LRP1B: variants seen among roughly 807,000 people sequenced by gnomAD.
LRP1B encodes low-density lipoprotein receptor-related protein 1B.
Under a neutral mutation model 556.6 loss-of-function variants are expected in LRP1B, and 217 were observed. That is an observed-to-expected ratio of 0.39 (90% CI 0.35 to 0.44). The LOEUF (loss-of-function observed/expected upper bound fraction) is 0.44. Ranked by LOEUF, LRP1B falls within the 20% of genes least tolerant of loss-of-function variation. LRP1B has a pLI of 1.00. For missense variants in LRP1B, 5,053 were observed against 5,620.8 expected, an observed-to-expected ratio of 0.90 and a Z score of 3.23; for synonymous variants, 2,047 against 1,865.8, an observed-to-expected ratio of 1.10 and a Z score of -2.50.
At chr2:141,011,078 AG>A (rs1697734887) in intron 14 of LRP1B, among the ~76,000 whole-genome samples, 2 of 149,658 alleles carry the variant, frequency 1.3e-5, no homozygotes, top group African/African-American at 2.4e-5. Context: ...TCTCAGAGAG[AG>A]AGAGAGAGAG....
intron 1 of LRP1B, among the ~76,000 whole-genome samples, chr2:142,060,698 T>A (rs1476114693): frequency 6.6e-6 from 1 of 152,028 alleles, no homozygotes; most frequent in African/African-American, 2.4e-5. Flanking sequence ...AGTCTCTATG[T>A]TTTAAGAGAA....
chr2:141,176,624 T>C (rs1335560476), intron 7 of LRP1B, among the ~76,000 whole-genome samples: 2 of 152,072 alleles, frequency 1.3e-5, no homozygotes, highest in African/African-American at 2.4e-5. Context: ...TAGTTCTTTA[T>C]AGTAGTGTGA....
chr2:141,220,654 C>A (rs1043411483), intron 6 of LRP1B, among the ~76,000 whole-genome samples: 1 of 147,868 alleles, frequency 6.8e-6, no homozygotes, highest in African/African-American at 2.5e-5. Flanking sequence ...ATGTTAACGA[C>A]AGACAGAGAG....
chr2:140,475,808 GTTTAAA>G (rs1038111430), intron 59 of LRP1B, among the ~76,000 whole-genome samples: 5 of 151,600 alleles, frequency 3.3e-5, no homozygotes, highest in African/African-American at 1.2e-4. Context: ...AATTATAACT[GTTTAAA>G]TTTAAACTAA....
intron 2 of LRP1B, among the ~76,000 whole-genome samples, chr2:141,738,998 A>G: frequency 6.6e-6 from 1 of 152,148 alleles, no homozygotes; most frequent in African/African-American, 2.4e-5. Flanking sequence ...TTTATTCAAC[A>G]CTAACGTATG....
intron 9 of LRP1B, 147 bp from the exon 10 acceptor site, chr2:141,055,406 T>A (rs928939566): frequency 4.4e-6 from 3 of 677,526 alleles, no homozygotes; most frequent in Non-Finnish European, 7.1e-6. Flanking sequence ...CATAATCGAA[T>A]GCAAAAGAGT....
chr2:141,314,901 T>TAC (rs2105457384), intron 3 of LRP1B, among the ~76,000 whole-genome samples: 1 of 146,122 alleles, frequency 6.8e-6, no homozygotes, highest in African/African-American at 2.5e-5. Context: ...TATACATATA[T>TAC]ATATATATAC....
At chr2:141,100,567 T>C (rs1361142979) in intron 7 of LRP1B, among the ~76,000 whole-genome samples, 1 of 152,188 alleles carries the variant, frequency 6.6e-6, no homozygotes, top group Non-Finnish European at 1.5e-5. Context: ...AGTATGTCCC[T>C]TTCCTTTTAA....
chr2:140,309,501 T>TCACTAACTGTGACTCATGAAGC (rs1684204804), intron 83 of LRP1B, among the ~76,000 whole-genome samples: 3 of 151,748 alleles, frequency 2.0e-5, no homozygotes, highest in Non-Finnish European at 4.4e-5. Context: ...TCCAATCGAA[T>TCACTAACTGTGACTCATGAAGC]CACTAACTGT....
intron 18 of LRP1B, among the ~76,000 whole-genome samples, chr2:140,972,266 A>G (rs1696447574): frequency 6.6e-6 from 1 of 152,212 alleles, no homozygotes; most frequent in Non-Finnish European, 1.5e-5. Flanking sequence ...AAAAGTATGG[A>G]ACAAGGAAAT....
intron 35 of LRP1B, among the ~76,000 whole-genome samples, chr2:140,758,862 T>C (rs13409662): frequency 2.1e-4 from 32 of 152,110 alleles, no homozygotes; most frequent in African/African-American, 7.5e-4. Flanking sequence ...TTTTATTCTC[T>C]ATTAATGAGA....
intron 2 of LRP1B, among the ~76,000 whole-genome samples, chr2:141,789,194 T>C (rs1217150479): frequency 2.0e-5 from 3 of 151,940 alleles, no homozygotes; most frequent in African/African-American, 7.2e-5. Flanking sequence ...GGCTTCTGGA[T>C]AAGGATTGAA....
At position 141,062,258 on chromosome 2, in the gene LRP1B, A is replaced by G. The variant is rs757746327; in HGVS notation, c.1029T>C (p.Thr343=). 1.2e-6 allele frequency: 2 copies of G among 1,605,482 alleles called. No homozygotes were observed. The highest frequency in any genetic ancestry group is 1.7e-6 in the Non-Finnish European group (2 of 1,176,126). Residue 343 remains threonine (T), a synonymous_variant, in exon 8 of 91, where the codon ACT becomes ACC. Transcript: ENST00000389484. ...VDPIAGKLFF[T]DYGNVAKVER... ...CCACTTTGGCGACATTCCCGTAGTC[A>G]GTAAAGAAAAGTTTTCTGTTGAAAG...
At chr2:140,445,360 G>GC (rs1686610331) in intron 63 of LRP1B, among the ~76,000 whole-genome samples, 1 of 151,884 alleles carries the variant, frequency 6.6e-6, no homozygotes, top group Non-Finnish European at 1.5e-5. Flanking sequence ...CAGCTGATCT[G>GC]CCCCCCTCGG....
intron 1 of LRP1B, among the ~76,000 whole-genome samples, chr2:141,928,235 T>A (rs1265185213): frequency 6.6e-6 from 1 of 152,212 alleles, no homozygotes; most frequent in Non-Finnish European, 1.5e-5. Context: ...GGATTTCATA[T>A]GCATTTAGAT....
At chr2:141,686,562 C>T (rs1691311868) in intron 2 of LRP1B, among the ~76,000 whole-genome samples, 1 of 151,894 alleles carries the variant, frequency 6.6e-6, no homozygotes, top group South Asian at 2.1e-4. Context: ...ATCATCAAAG[C>T]TCACAGTTGA....
intron 3 of LRP1B, among the ~76,000 whole-genome samples, chr2:141,400,132 C>A (rs1690396988): frequency 6.6e-6 from 1 of 151,964 alleles, no homozygotes; most frequent in East Asian, 1.9e-4. Context: ...GGGCGCATGC[C>A]ACCACAACTG....
Position 140,450,030 on chromosome 2 carries a change from T to A in LRP1B, c.10057+538A>T, listed in dbSNP as rs182978565. Among the ~76,000 whole-genome samples the A allele has an allele frequency of 4.6e-5, 7 of 152,330 alleles. No homozygotes were observed. In the East Asian group the frequency reaches 9.6e-4, roughly 21 times the overall value. On this transcript the variant is annotated intron_variant, in intron 63 of 90. Transcript: ENST00000389484. ...CCAATTACAGTCAAATGTCAAGACA[T>A]ACTTGGTAATATCTTTAGAGCAATT... is the stretch of plus-strand genomic sequence containing the variant.
chr2:141,706,725 G>A (rs185945351), intron 2 of LRP1B, among the ~76,000 whole-genome samples: 72 of 152,066 alleles, frequency 4.7e-4, no homozygotes, highest in African/African-American at 1.6e-3. Flanking sequence ...TTAATATCTC[G>A]TTAGGCCAAA....
Sources: allele counts gnomAD v4.1 joint callset (sites outside exome capture counted in the v4.1 genomes callset), GRCh38; gene constraint gnomAD v4.1.1; transcripts MANE v1.5; gene names NCBI Gene and HGNC (gene_info 2026-07-23, HGNC 2026-07-21).